The following DCC variants were observed in gnomAD, a reference collection of about 807,000 sequenced individuals.
DCC encodes the protein DCC netrin 1 receptor, also known as netrin receptor DCC.
A neutral mutation model predicts 172.5 loss-of-function variants in DCC; 58 were observed. The ratio of observed to expected loss-of-function variants is 0.34; its 90% CI spans 0.27 to 0.42. The LOEUF (loss-of-function observed/expected upper bound fraction) is 0.42, where lower values mean the gene tolerates loss of function less well. DCC is among the 10% of genes least tolerant of loss of function. The pLI, the probability that DCC is intolerant of heterozygous loss-of-function variation, is 1.00. For synonymous variants in DCC, 709 were observed against 644.5 expected (o/e 1.10, Z -1.52); for missense variants, 1,740 against 1,791.0 (o/e 0.97, Z 0.51).
chr18:52,989,877 A>G (rs2041355768), intron 5 of DCC, among the ~76,000 whole-genome samples: 3 of 152,288 alleles, frequency 2.0e-5, no homozygotes, highest in African/African-American at 7.2e-5. Context: ...GGCTATGGCT[A>G]CAGCTCCAGT....
chr18:52,379,759 A>C (rs1985507549), intron 1 of DCC, among the ~76,000 whole-genome samples: 1 of 152,180 alleles, frequency 6.6e-6, no homozygotes, highest in Admixed American at 6.5e-5. Context: ...AGTCTGAAGC[A>C]GCTTAGAAAT....
At chr18:52,641,487 A>C (rs984441208) in intron 1 of DCC, among the ~76,000 whole-genome samples, 1 of 152,200 alleles carries the variant, frequency 6.6e-6, no homozygotes, top group African/African-American at 2.4e-5. Flanking sequence ...TAACATCCAG[A>C]ATCTACAATG....
At chr18:53,081,224 G>C (rs1004600837) in intron 7 of DCC, among the ~76,000 whole-genome samples, 2 of 151,960 alleles carry the variant, frequency 1.3e-5, no homozygotes, top group South Asian at 4.2e-4. Flanking sequence ...AGACTAAATA[G>C]TTTAATATGG....
At chr18:52,659,573 A>C (rs1418601285) in intron 1 of DCC, among the ~76,000 whole-genome samples, 1 of 152,220 alleles carries the variant, frequency 6.6e-6, no homozygotes, top group Non-Finnish European at 1.5e-5. Context: ...CAGGAACCAA[A>C]TGAACCAGGC....
chr18:52,923,896 T>C, intron 4 of DCC, 39 bp downstream of exon 4: 1 of 1,455,996 alleles, frequency 6.9e-7, no homozygotes, highest in South Asian at 1.1e-5. Flanking sequence ...AGTGTACTTT[T>C]GTATGGTATA....
chr18:52,597,708 G>A (rs1598943627), intron 1 of DCC, among the ~76,000 whole-genome samples: 1 of 152,266 alleles, frequency 6.6e-6, no homozygotes, highest in Admixed American at 6.5e-5. Context: ...CTACAGGCAC[G>A]TTGGTGAGAA....
Position 53,424,464 on chromosome 18 carries a change from A to G in DCC, c.3163+8308A>G, listed in dbSNP as rs118127477. ...GCAATATAGTTAGGAGGAGGATATTAACACTTCCAGTCCAGTATGAAAAAT... is the reference window on the plus strand; with the variant it reads ...GCAATATAGTTAGGAGGAGGATATTGACACTTCCAGTCCAGTATGAAAAAT... On this transcript the variant is annotated intron_variant, in intron 21 of 28. Transcript: ENST00000442544. 2.6e-3 allele frequency among the ~76,000 whole-genome samples: 402 copies of G among 152,300 alleles called. 2 individuals are homozygous for G. The highest frequency in any genetic ancestry group is 4.0e-3 in the Non-Finnish European group (271 of 68,022).
chr18:52,471,616 T>C (rs1475783441), intron 1 of DCC, among the ~76,000 whole-genome samples: 3 of 152,202 alleles, frequency 2.0e-5, no homozygotes, highest in African/African-American at 7.2e-5. Flanking sequence ...ATTTCTAAGC[T>C]GAAATCCCGG....
intron 1 of DCC, among the ~76,000 whole-genome samples, chr18:52,474,578 A>C (rs1210747828): frequency 6.6e-6 from 1 of 152,164 alleles, no homozygotes; most frequent in East Asian, 1.9e-4. Context: ...GGCTGAACTC[A>C]CTGAGGTTGT....
Position 53,226,934 on chromosome 18 carries a change from G to GTATATATATA in DCC, c.1911+11343_1911+11352dup, listed in dbSNP as rs1555734406. 4.1e-4 allele frequency among the ~76,000 whole-genome samples: 28 copies of GTATATATATA among 68,110 alleles called. 2 individuals carry two copies. Among genetic ancestry groups the GTATATATATA allele is most frequent in the African/African-American group, 1.2e-3 (20 of 16,150 alleles). 44.7% of individuals were successfully genotyped at this position (68,110 alleles called of 152,430 possible). On this transcript the variant is annotated intron_variant, in intron 12 of 28. Transcript: ENST00000442544. The stretch of plus-strand genomic sequence containing the variant: ...TGTAACTGTGTGTGTGTGTGTGTGT[G>GTATATATATA]TATATATATATATATTTTTTTTTTT...
intron 9 of DCC, among the ~76,000 whole-genome samples, chr18:53,187,713 A>T (rs1409283801): frequency 6.6e-6 from 1 of 152,034 alleles, no homozygotes; most frequent in Non-Finnish European, 1.5e-5. Flanking sequence ...GACTTTAGCT[A>T]TTTTTCTTTA....
At chr18:52,788,052 A>G (rs932332583) in intron 2 of DCC, among the ~76,000 whole-genome samples, 3 of 152,140 alleles carry the variant, frequency 2.0e-5, no homozygotes, top group Admixed American at 6.6e-5. Flanking sequence ...CTTTTATTTC[A>G]ATGCTCAATT....
chr18:52,784,811 G>C (rs574433016), intron 2 of DCC, among the ~76,000 whole-genome samples: 198 of 151,914 alleles, frequency 1.3e-3, no homozygotes, highest in African/African-American at 4.6e-3. Flanking sequence ...CTCATGCTGA[G>C]AAAGAACTCA....
chr18:53,306,148 G>C (rs1017385933), intron 13 of DCC, among the ~76,000 whole-genome samples: 9 of 152,142 alleles, frequency 5.9e-5, no homozygotes, highest in Non-Finnish European at 1.2e-4. Context: ...AAAACAAAGA[G>C]AGAGATTATT....
Position 53,386,047 on chromosome 18 carries a change from A to T in DCC, c.2364A>T (p.Ser788=). 6.2e-7 allele frequency: 1 copy of T among 1,605,046 alleles called. No individual in the cohort carries two copies. The change falls in exon 16 of 29, where the codon TCA becomes TCT. Residue 788 remains serine, a synonymous_variant. Transcript: ENST00000442544. ...TTGTTTCTGTTTTTTCTCCAGAGTC[A>T]AGTTCCCATTATGTAATCTCCCTAA... The part of the protein sequence containing the change: ...QRYYSIERLE[S]SSHYVISLKA...
intron 1 of DCC, among the ~76,000 whole-genome samples, chr18:52,696,392 G>T (rs774276009): frequency 4.6e-5 from 7 of 152,158 alleles, no homozygotes; most frequent in Non-Finnish European, 1.0e-4. Context: ...AAGAGTGATA[G>T]AGCCAAATGG....
chr18:52,551,690 G>T (rs1288414934), intron 1 of DCC, among the ~76,000 whole-genome samples: 1 of 150,656 alleles, frequency 6.6e-6, no homozygotes. Context: ...CTTATGAAAG[G>T]TCATGCAGCC....
At chr18:52,807,018 C>A (rs933891623) in intron 2 of DCC, among the ~76,000 whole-genome samples, 1 of 152,148 alleles carries the variant, frequency 6.6e-6, no homozygotes, top group African/African-American at 2.4e-5. Flanking sequence ...TATGGTGAAA[C>A]CGTATCTCTA....
At chr18:53,522,041 C>G (rs576353342) in intron 27 of DCC, among the ~76,000 whole-genome samples, 36 of 152,182 alleles carry the variant, frequency 2.4e-4, no homozygotes, top group African/African-American at 6.5e-4. Context: ...TCAGGCAACA[C>G]AATTCAAAAT....
Sources: allele counts gnomAD v4.1 joint callset (sites outside exome capture counted in the v4.1 genomes callset), GRCh38; gene constraint gnomAD v4.1.1; transcripts MANE v1.5; gene names NCBI Gene and HGNC (gene_info 2026-07-23, HGNC 2026-07-21).